Variants in IRF7 observed in about 807,000 individuals in gnomAD.
The protein encoded by IRF7 is interferon regulatory factor 7, also known as interferon regulatory factor-7H.
In IRF7, 67 loss-of-function variants were observed where a neutral mutation model predicts 51.3. The observed-to-expected ratio is 1.31, with a 90% confidence interval of 1.07 to 1.60. The LOEUF (loss-of-function observed/expected upper bound fraction) is 1.60. IRF7 is among the 40% of genes most tolerant of loss of function. The pLI is 0.00. For synonymous variants in IRF7, 427 were observed against 301.3 expected (o/e 1.42, Z -4.32); for missense variants, 873 against 701.5 (o/e 1.24, Z -2.76).
At position 613,116 on chromosome 11, in the gene IRF7, C is replaced by T; in HGVS notation, c.1239G>A (p.Glu413=). The change falls in exon 10 of 11, where the codon GAG becomes GAA. Residue 413 remains glutamate (E), a splice_region_variant and synonymous_variant. Coordinates refer to ENST00000525445, the MANE Select transcript of IRF7 (RefSeq NM_001572.5). ...GCTGCCGTGCCCGGAATTCCACCAG[C>T]TCTGAAGAAGGGGACTCTGCTGAGT... The part of the protein sequence containing the change: ...PIFDFRVFFQ[E]LVEFRARQRR... 6.2e-7 allele frequency: 1 copy of T among 1,612,878 alleles called. No homozygotes were observed.
In IRF7 at chr11:615,401, TGTTA is replaced by T; in HGVS notation, c.-41_-38del. Reference sequence around the variant, plus strand: ...CAGGGGCAGTTAGGTGGCGGTCAGGTGTTATAACAGGGGAGGTAAGGGCTCCTGT... The same window carrying T: ...CAGGGGCAGTTAGGTGGCGGTCAGGTTAACAGGGGAGGTAAGGGCTCCTGT... On this transcript the variant is annotated 5_prime_UTR_variant, in exon 2 of 11. Transcript: ENST00000525445. The T allele has an allele frequency of 6.8e-7, 1 of 1,479,816 alleles. No individual in the cohort carries two copies. The highest frequency in any genetic ancestry group is 2.3e-5 in the East Asian group (1 of 42,626). The allele number at this position is 1,479,816 out of a possible 1,614,324, so 91.7% of individuals were successfully genotyped here.
chr11:614,313 C>G lies in IRF7; in HGVS notation c.540G>C (p.Gly180=). 1 of 1,611,756 alleles carries G rather than the reference C, an allele frequency of 6.2e-7. No homozygotes were observed. Among genetic ancestry groups the G allele is most frequent in the African/African-American group, 1.3e-5 (1 of 75,026 alleles). The change falls in exon 6 of 11, where the codon GGG becomes GGC. Residue 180 remains glycine (G), a synonymous_variant. Transcript: ENST00000525445. ...GTTGCACTGCCTGGAGCAGGAGGTC[C>G]CCCTTGTCACCAGCTGGGGCAGGGA... ...GPLPAPAGDK[G]DLLLQAVQQS...
At position 613,786 on chromosome 11, in the gene IRF7, T is replaced by A; in HGVS notation, c.846A>T (p.Gln282His). 6.4e-7 allele frequency: 1 copy of A among 1,559,306 alleles called. No individual in the cohort carries two copies. Among genetic ancestry groups the A allele is most frequent in the Non-Finnish European group, 8.6e-7 (1 of 1,161,982 alleles). ...SPSPSACTAV[Q>H]EPSPGALDVT... ...TGCCCCTTCCTGGGATGCACTCACC[T>A]TGCACCGCGGTGCAGGCGCTTGGGG... Residue 282 changes from glutamine (Q) to histidine (H), a missense_variant and splice_region_variant, in exon 8 of 11, where the codon CAA becomes CAT. Physicochemically the swap from Gln to His is conservative, Grantham distance 24 (BLOSUM62 0). Transcript: ENST00000525445.
intron 4 of IRF7, 83 bp from the exon 5 acceptor site, chr11:614,617 C>T: frequency 6.6e-7 from 1 of 1,503,896 alleles, no homozygotes; most frequent in Non-Finnish European, 9.0e-7. Context: ...CCACCAGCTT[C>T]CTGGCTGTGA....
chr11:612,569 T>G lies in IRF7; in HGVS notation c.*76A>C, dbSNP rs1350846042. On this transcript the variant is annotated 3_prime_UTR_variant, in exon 11 of 11. Coordinates refer to ENST00000525445, the MANE Select transcript of IRF7 (RefSeq NM_001572.5). ...ATGCCAGTACGTGTTCTGGAGTTCTTTTTATTAGACTGGGCGGCCGCGGCC... is the reference window on the plus strand; with the variant it reads ...ATGCCAGTACGTGTTCTGGAGTTCTGTTTATTAGACTGGGCGGCCGCGGCC... 6.4e-7 allele frequency: 1 copy of G among 1,553,380 alleles called. No homozygotes were observed. Among genetic ancestry groups the G allele is most frequent in the Non-Finnish European group, 8.8e-7 (1 of 1,140,370 alleles).
chr11:614,975 A>G lies in IRF7; in HGVS notation c.216T>C (p.Pro72=). The stretch of plus-strand genomic sequence containing the variant: ...GGGGCGGGCCACCTCCCCTGCTGCT[A>G]GGCGGCCACCTGCCGCGGGCCACAG... ...AWAVARGRWP[P]SSRGGGPPPE... Residue 72 remains proline (P), a synonymous_variant, in exon 4 of 11, where the codon CCT becomes CCC. Coordinates refer to ENST00000525445, the MANE Select transcript of IRF7 (RefSeq NM_001572.5). 2 of 1,551,456 alleles carry G rather than the reference A, an allele frequency of 1.3e-6. No individual in the cohort carries two copies. The highest frequency in any genetic ancestry group is 2.4e-5 in the South Asian group (2 of 83,240).
At chr11:615,068 CCGGGG>C (rs749444292) in intron 3 of IRF7, 24 bp downstream of exon 3, 847 of 1,564,054 alleles carry the variant, frequency 5.4e-4, no homozygotes, top group Non-Finnish European at 6.7e-4. Flanking sequence ...GCTCTCCCAC[CCGGGG>C]CGGGGCGGGG....
intron 4 of IRF7, 59 bp from the exon 5 acceptor site, chr11:614,593 G>A: frequency 6.5e-7 from 1 of 1,531,272 alleles, no homozygotes; most frequent in South Asian, 1.2e-5. Flanking sequence ...TACAAGGAGA[G>A]CCTGGTGTAG....
chr11:613,466 G>T lies in IRF7; in HGVS notation c.977C>A (p.Pro326His). 1.3e-6 allele frequency: 2 copies of T among 1,547,586 alleles called. No homozygotes were observed. The highest frequency in any genetic ancestry group is 1.7e-6 in the Non-Finnish European group (2 of 1,148,064). ...PPDPAVRATD[P>H]QQVAFPSPAE... is the part of the protein sequence containing the mutation. ...AGGGCTGGGGAATGCTACCTGCTGGGGGTCTGTGGCCCGGACAGCTGGGTC... is the reference window on the plus strand; with the variant it reads ...AGGGCTGGGGAATGCTACCTGCTGGTGGTCTGTGGCCCGGACAGCTGGGTC... Residue 326 changes from proline (P) to histidine (H), a missense_variant, in exon 9 of 11, where the codon CCC becomes CAC. Transcript: ENST00000525445.
At chr11:615,031 G>T (rs1203182389) in intron 3 of IRF7, 24 bp from the exon 4 acceptor site, 2 of 1,546,352 alleles carry the variant, frequency 1.3e-6, no homozygotes, top group Non-Finnish European at 8.7e-7. Flanking sequence ...CAGAACACGT[G>T]TGCCGGGCCC....
In IRF7 at chr11:615,332, G is replaced by GC; in HGVS notation, c.20+12dup. 9 of 1,548,370 alleles carry GC rather than the reference G, an allele frequency of 5.8e-6. No homozygotes were observed. Among genetic ancestry groups the GC allele is most frequent in the Non-Finnish European group, 6.9e-6 (8 of 1,152,362 alleles). ...GGGGACTGGCATCTGGAGAGGGTGG[G>GC]CCGGGCTCTTACCTCTCAGGAGCCA... On this transcript the variant is annotated intron_variant, in intron 2 of 10. Coordinates refer to ENST00000525445, the MANE Select transcript of IRF7 (RefSeq NM_001572.5).
chr11:615,586 A>G lies in IRF7; in HGVS notation c.-222T>C, dbSNP rs774707812. The G allele has an allele frequency of 3.0e-5, 15 of 499,462 alleles. No homozygotes were observed. The highest frequency in any genetic ancestry group is 5.2e-5 in the Non-Finnish European group (15 of 287,718). 30.9% of individuals were successfully genotyped at this position (499,462 alleles called of 1,614,324 possible). On this transcript the variant is annotated 5_prime_UTR_variant, in exon 2 of 11. Transcript: ENST00000525445. The stretch of plus-strand genomic sequence containing the variant: ...GTGACTGCAGGTGTGGCCGGCGCGC[A>G]CACATGAAGTCACAGGTGTTGAACC...
rs1315288528 is a variant in IRF7, at chr11:615,528, G to A, written c.-164C>T. 2.7e-6 allele frequency: 2 copies of A among 728,820 alleles called. No individual in the cohort carries two copies. The highest frequency in any genetic ancestry group is 4.3e-6 in the Non-Finnish European group (2 of 469,144). The allele number at this position is 728,820 out of a possible 1,614,324, so 45.1% of individuals were successfully genotyped here. ...GGCTTGTAGCCACCGACGCTGCCTC[G>A]GTATGGATCTCTTGGCAGAGGGGGC... On this transcript the variant is annotated 5_prime_UTR_variant, in exon 2 of 11. Transcript: ENST00000525445.
chr11:613,227 C>A lies in IRF7; in HGVS notation c.1216G>T (p.Asp406Tyr). 1.9e-6 allele frequency: 3 copies of A among 1,590,484 alleles called. No individual in the cohort carries two copies. The highest frequency in any genetic ancestry group is 2.6e-6 in the Non-Finnish European group (3 of 1,168,140). The change falls in exon 9 of 11, where the codon GAC (aspartate) becomes TAC (tyrosine). Residue 406 changes from aspartate (D) to tyrosine (Y), a missense_variant. Transcript: ENST00000525445. ...TGACCTTGGAAGAAGACTCTGAAGT[C>A]GAAGATGGGGGTGTCACAGTTCCGA... ...LPRNCDTPIF[D>Y]FRVFFQELVE...
chr11:614,636 G>C, intron 4 of IRF7, 102 bp from the exon 5 acceptor site: 7 of 1,452,546 alleles, frequency 4.8e-6, no homozygotes, highest in Non-Finnish European at 6.5e-6. Context: ...GAACCCTTAG[G>C]CTGTGGCCTG....
intron 9 of IRF7, 42 bp downstream of exon 9, chr11:613,164 A>G (rs760896372): frequency 1.0e-5 from 16 of 1,604,474 alleles, no homozygotes; most frequent in Non-Finnish European, 1.4e-5. Flanking sequence ...GGTGCTCCCA[A>G]GGACCCCTGG....
At position 613,488 on chromosome 11, in the gene IRF7, G is replaced by C; in HGVS notation, c.955C>G (p.Pro319Ala). 6.5e-7 allele frequency: 1 copy of C among 1,542,824 alleles called. No homozygotes were observed. Among genetic ancestry groups the C allele is most frequent in the East Asian group, 2.3e-5 (1 of 44,314 alleles). The stretch of plus-strand genomic sequence containing the variant: ...TGGGGGTCTGTGGCCCGGACAGCTG[G>C]GTCTGGGGGGCCGTATAGGAACGTG... ...SCTFLYGPPD[P>A]AVRATDPQQV... is the part of the protein sequence containing the mutation. Residue 319 changes from proline (P) to alanine (A), a missense_variant, in exon 9 of 11, where the codon CCA (proline) becomes GCA (alanine). Coordinates refer to ENST00000525445, the MANE Select transcript of IRF7 (RefSeq NM_001572.5).
At chr11:614,148 C>T (rs753706303) in intron 6 of IRF7, 26 bp downstream of exon 6, 58 of 1,592,846 alleles carry the variant, frequency 3.6e-5, no homozygotes, top group Middle Eastern at 3.4e-4. Flanking sequence ...CTCCCGCGCT[C>T]CCCCCCTCCC....
In IRF7 at chr11:613,217, A is replaced by G; in HGVS notation, c.1226T>C (p.Val409Ala). 1.3e-6 allele frequency: 2 copies of G among 1,588,516 alleles called. No homozygotes were observed. Among genetic ancestry groups the G allele is most frequent in the East Asian group, 2.2e-5 (1 of 44,572 alleles). ...AGGGCCTCACTGACCTTGGAAGAAG[A>G]CTCTGAAGTCGAAGATGGGGGTGTC... ...NCDTPIFDFR[V>A]FFQELVEFRA... The change falls in exon 9 of 11, where the codon GTC becomes GCC. Residue 409 changes from valine (V) to alanine (A), a missense_variant. Val to Ala is a moderately conservative substitution (Grantham distance 64). Transcript: ENST00000525445.
Sources: allele counts gnomAD v4.1 joint callset, GRCh38; gene constraint gnomAD v4.1.1; transcripts MANE v1.5; gene names NCBI Gene and HGNC (gene_info 2026-07-23, HGNC 2026-07-21).